The following EIF4G3 variants were observed in gnomAD, a reference collection of about 807,000 sequenced individuals.
The protein encoded by EIF4G3 is eukaryotic translation initiation factor 4 gamma 3.
Under a neutral mutation model 186.4 loss-of-function variants are expected in EIF4G3, and 34 were observed. The ratio of observed to expected loss-of-function variants is 0.18; its 90% CI spans 0.14 to 0.24. EIF4G3 has a LOEUF of 0.24. Ranked by LOEUF, EIF4G3 falls within the 10% of genes least tolerant of loss-of-function variation. The pLI is 1.00. For synonymous variants in EIF4G3, 673 were observed against 679.5 expected (o/e 0.99, Z 0.15); for missense variants, 1,536 against 1,948.5 (o/e 0.79, Z 3.99).
At chr1:21,046,060 C>T (rs923014337) in intron 4 of EIF4G3, among the ~76,000 whole-genome samples, 1 of 152,202 alleles carries the variant, frequency 6.6e-6, no homozygotes, top group Non-Finnish European at 1.5e-5. Flanking sequence ...CTTCTCCTGA[C>T]TCCCTAGAGT....
At chr1:20,907,395 TTTA>T (rs2092388502) in intron 14 of EIF4G3, among the ~76,000 whole-genome samples, 1 of 152,008 alleles carries the variant, frequency 6.6e-6, no homozygotes, top group African/African-American at 2.4e-5. Flanking sequence ...TTTTTTAAAT[TTTA>T]TTATTATTAT....
At chr1:20,899,411 T>C (rs1365048764) in intron 16 of EIF4G3, among the ~76,000 whole-genome samples, 1 of 152,162 alleles carries the variant, frequency 6.6e-6, no homozygotes, top group African/African-American at 2.4e-5. Flanking sequence ...TGCAATAATT[T>C]TTAAAATCAA....
chr1:20,932,702 T>C (rs1451954170), intron 14 of EIF4G3, among the ~76,000 whole-genome samples: 1 of 152,156 alleles, frequency 6.6e-6, no homozygotes. Flanking sequence ...CCGTCTTACA[T>C]GGTTTGTGGT....
intron 12 of EIF4G3, among the ~76,000 whole-genome samples, chr1:20,968,880 C>T (rs1001071794): frequency 6.6e-5 from 10 of 152,088 alleles, no homozygotes; most frequent in Admixed American, 6.5e-5. Context: ...TGAACAACCA[C>T]GAATTTTGGT....
intron 2 of EIF4G3, among the ~76,000 whole-genome samples, chr1:21,142,429 C>T (rs1379834076): frequency 6.6e-6 from 1 of 152,078 alleles, no homozygotes; most frequent in Non-Finnish European, 1.5e-5. Flanking sequence ...ATCGCTTGAG[C>T]CTGGATGGTG....
intron 30 of EIF4G3, among the ~76,000 whole-genome samples, chr1:20,832,155 C>G (rs973444996): frequency 2.1e-5 from 3 of 145,986 alleles, no homozygotes; most frequent in African/African-American, 7.5e-5. Context: ...AATGGTATTT[C>G]CAGTTCTAGA....
intron 2 of EIF4G3, among the ~76,000 whole-genome samples, chr1:21,126,544 T>C (rs2097049021): frequency 6.6e-6 from 1 of 151,972 alleles, no homozygotes. Flanking sequence ...TAGTCACAGC[T>C]ACTCCCGAGA....
chr1:20,870,795 C>A (rs1315017039), intron 20 of EIF4G3, among the ~76,000 whole-genome samples: 1 of 152,176 alleles, frequency 6.6e-6, no homozygotes, highest in Non-Finnish European at 1.5e-5. Context: ...CTTTATTATT[C>A]ATGAAGGGAG....
chr1:20,827,648 G>T lies in EIF4G3; in HGVS notation c.4238C>A (p.Ser1413Tyr). ...TTTGCATAGTAGGTGCAATATTTCAGATAGCAAGACCCCAGCTCTTCCAAC... is the reference window on the plus strand; with the variant it reads ...TTTGCATAGTAGGTGCAATATTTCATATAGCAAGACCCCAGCTCTTCCAAC... ...LPVGRAGVLLSEILHLLCKQM... is the reference protein window; with the variant it reads ...LPVGRAGVLLYEILHLLCKQM... The change falls in exon 32 of 37, where the codon TCT becomes TAT. Residue 1413 changes from serine to tyrosine, a missense_variant. Ser to Tyr is a moderately radical substitution (Grantham distance 144). This residue lies in a region of EIF4G3 where 395 missense variants were observed against 498.9 expected (regional missense o/e 0.79). Transcript: ENST00000602326. 6.2e-7 allele frequency: 1 copy of T among 1,612,240 alleles called. No individual in the cohort carries two copies.
intron 13 of EIF4G3, among the ~76,000 whole-genome samples, chr1:20,943,441 C>G (rs905057647): frequency 6.6e-6 from 1 of 152,194 alleles, no homozygotes; most frequent in African/African-American, 2.4e-5. Context: ...ATAATTTCCA[C>G]ATTTTTATTA....
chr1:21,000,529 C>G (rs974931647), intron 6 of EIF4G3, among the ~76,000 whole-genome samples: 4 of 151,742 alleles, frequency 2.6e-5, no homozygotes, highest in South Asian at 2.1e-4. Flanking sequence ...ACTATGACAA[C>G]TTGGGACGTA....
intron 12 of EIF4G3, among the ~76,000 whole-genome samples, chr1:20,962,475 CA>C (rs2073543172): frequency 6.6e-6 from 1 of 152,106 alleles, no homozygotes; most frequent in South Asian, 2.1e-4. Context: ...AAATGGTGGT[CA>C]ACCACAGCTG....
Position 20,895,404 on chromosome 1 carries a change from C to G in EIF4G3, c.2097G>C (p.Glu699Asp). Residue 699 changes from glutamate to aspartate, a missense_variant, in exon 17 of 37, where the codon GAG becomes GAC. Glu to Asp is a conservative substitution (Grantham distance 45). Around this residue, in one of 11 missense-constraint regions of EIF4G3, gnomAD observed 139 missense variants for 192.8 expected, o/e 0.72. Coordinates refer to ENST00000602326, the MANE Select transcript of EIF4G3 (RefSeq NM_001391906.1). ...QFMPACIQKP[E>D]GLPPISDVVL... ...CCACATCACTGATAGGAGGCAGGCC[C>G]TCTGGTTTTTGTATACAGGCAGGCA... 1 of 1,613,986 alleles carries G rather than the reference C, an allele frequency of 6.2e-7. No individual in the cohort carries two copies. Among genetic ancestry groups the G allele is most frequent in the Non-Finnish European group, 8.5e-7 (1 of 1,179,934 alleles).
At chr1:20,836,812 G>C (rs558715540) in intron 30 of EIF4G3, among the ~76,000 whole-genome samples, 3 of 152,160 alleles carry the variant, frequency 2.0e-5, no homozygotes, top group Admixed American at 2.0e-4. Flanking sequence ...ATATTTACTA[G>C]ACAGTTTTTA....
intron 32 of EIF4G3, among the ~76,000 whole-genome samples, chr1:20,825,586 T>C (rs1477018295): frequency 6.6e-6 from 1 of 152,240 alleles, no homozygotes; most frequent in Non-Finnish European, 1.5e-5. Flanking sequence ...AATTGATTTA[T>C]GAGGTGACTA....
At chr1:21,167,806 T>C (rs949746063) in intron 2 of EIF4G3, among the ~76,000 whole-genome samples, 1 of 152,096 alleles carries the variant, frequency 6.6e-6, no homozygotes, top group African/African-American at 2.4e-5. Context: ...TTTAAAAACT[T>C]AGTATACTTG....
Position 21,050,949 on chromosome 1 carries a change from A to G in EIF4G3, c.-150T>C. Reference sequence around the variant, plus strand: ...CCCTTGTTTATTTCATGTGCTGAATAAGGGGATGGGGTAGGGGTTCCCGGC... The same window carrying G: ...CCCTTGTTTATTTCATGTGCTGAATGAGGGGATGGGGTAGGGGTTCCCGGC... On this transcript the variant is annotated 5_prime_UTR_variant, in exon 4 of 37. Transcript: ENST00000602326. 4 of 717,214 alleles carry G rather than the reference A, an allele frequency of 5.6e-6. No homozygotes were observed. Among genetic ancestry groups the G allele is most frequent in the African/African-American group, 1.7e-5 (1 of 57,360 alleles). The allele number at this position is 717,214 out of a possible 1,614,324, so 44.4% of individuals were successfully genotyped here.
chr1:21,069,443 A>G (rs1043593489), intron 3 of EIF4G3, among the ~76,000 whole-genome samples: 1 of 152,242 alleles, frequency 6.6e-6, no homozygotes, highest in Non-Finnish European at 1.5e-5. Context: ...GAGCACTCTT[A>G]AAGACAAGGA....
At chr1:20,837,144 G>A (rs2066982705) in intron 30 of EIF4G3, among the ~76,000 whole-genome samples, 1 of 152,122 alleles carries the variant, frequency 6.6e-6, no homozygotes, top group African/African-American at 2.4e-5. Context: ...ATACTCTAAA[G>A]AGCTATAGGG....
Sources: gnomAD v4.1 joint callset for allele counts (sites outside exome capture counted in the v4.1 genomes callset) on GRCh38, gnomAD v4.1.1 for gene constraint, gnomAD v4.1.1 regional missense constraint, MANE v1.5 for transcripts, NCBI Gene and HGNC (gene_info 2026-07-23, HGNC 2026-07-21) for gene names.